Variants in BMPR2 observed in about 807,000 individuals in gnomAD.
BMPR2 encodes bone morphogenetic protein receptor type 2, also known as bone morphogenetic protein receptor type-2.
Under a neutral mutation model 100.8 loss-of-function variants are expected in BMPR2, and 29 were observed. That is an observed-to-expected ratio of 0.29 (90% CI 0.21 to 0.39). The LOEUF (loss-of-function observed/expected upper bound fraction) is 0.39, where lower values mean the gene tolerates loss of function less well. Ranked by LOEUF, BMPR2 falls within the 10% of genes least tolerant of loss-of-function variation. BMPR2 has a pLI of 1.00. For missense variants in BMPR2, 1,011 were observed against 1,274.5 expected (o/e 0.79, Z 3.15); for synonymous variants, 382 against 442.3 (o/e 0.86, Z 1.71).
chr2:202,482,280 TGTA>T (rs1035827703), intron 3 of BMPR2, among the ~76,000 whole-genome samples: 3 of 152,276 alleles, frequency 2.0e-5, no homozygotes, highest in Admixed American at 6.5e-5. Context: ...CTCCAATGAA[TGTA>T]GGTATACAAA....
chr2:202,505,030 G>T, intron 3 of BMPR2: 1 of 173,892 alleles, frequency 5.8e-6, no homozygotes, highest in South Asian at 1.1e-4. Flanking sequence ...GTGCTAGTTG[G>T]ATATCTTTTG....
At chr2:202,428,532 A>G (rs1691439313) in intron 1 of BMPR2, among the ~76,000 whole-genome samples, 1 of 151,976 alleles carries the variant, frequency 6.6e-6, no homozygotes, top group Non-Finnish European at 1.5e-5. Context: ...CAGAGTAGCT[A>G]GGACCACAGG....
At position 202,550,022 on chromosome 2, in the gene BMPR2, C is replaced by T. The variant is rs376850164; in HGVS notation, c.1414-2694C>T. On this transcript the variant is annotated intron_variant, in intron 10 of 12. Coordinates refer to ENST00000374580, the MANE Select transcript of BMPR2 (RefSeq NM_001204.7). Reference sequence around the variant, plus strand: ...CCAGGCTAAAGTGATCCTCCCACCTCAGCCTCCTGAGTAACTGGGACCACA... The same window carrying T: ...CCAGGCTAAAGTGATCCTCCCACCTTAGCCTCCTGAGTAACTGGGACCACA... 2.0e-4 allele frequency among the ~76,000 whole-genome samples: 31 copies of T among 152,254 alleles called. No individual in the cohort carries two copies. The East Asian group carries it at 4.6e-3, about 23-fold the overall frequency.
chr2:202,380,329 A>C (rs578218513), intron 1 of BMPR2, among the ~76,000 whole-genome samples: 2 of 152,340 alleles, frequency 1.3e-5, no homozygotes, highest in South Asian at 4.1e-4. Flanking sequence ...TCACTTGATT[A>C]GATTGCAATT....
chr2:202,509,111 A>G (rs1687579911), intron 3 of BMPR2, among the ~76,000 whole-genome samples: 1 of 152,192 alleles, frequency 6.6e-6, no homozygotes, highest in African/African-American at 2.4e-5. Flanking sequence ...TCTCTGTCCA[A>G]ATAAGTCTAA....
chr2:202,451,783 CT>C (rs1333963743), intron 1 of BMPR2, among the ~76,000 whole-genome samples: 5 of 152,010 alleles, frequency 3.3e-5, no homozygotes, highest in Non-Finnish European at 5.9e-5. Flanking sequence ...GAGTTTCACC[CT>C]TGTTGCCCAG....
rs1688736800 is a variant in BMPR2, at chr2:202,565,020, G to GC, written c.*5076dup. 1 of 152,186 alleles carries GC rather than the reference G, an allele frequency of 6.6e-6. No individual in the cohort carries two copies. The highest frequency in any genetic ancestry group is 2.1e-4 in the South Asian group (1 of 4,826). The allele number at this position is 152,186 out of a possible 1,614,324, so 9.4% of individuals were successfully genotyped here. A position where few individuals can be genotyped will look rare whatever the true frequency, so the allele number is the denominator to read the frequency against. On this transcript the variant is annotated 3_prime_UTR_variant, in exon 13 of 13. Coordinates refer to ENST00000374580, the MANE Select transcript of BMPR2 (RefSeq NM_001204.7). ...GCCGAGATCGCGCCAATGCACTCCA[G>GC]CCTGGGCTACAGAGTGAGACTCCAT...
intron 1 of BMPR2, among the ~76,000 whole-genome samples, chr2:202,430,203 A>G (rs1052900810): frequency 1.3e-4 from 20 of 152,162 alleles, no homozygotes; most frequent in African/African-American, 4.8e-4. Context: ...AACCTAAATT[A>G]GTACCTAAAA....
At chr2:202,546,084 T>C (rs1041904505) in intron 10 of BMPR2, among the ~76,000 whole-genome samples, 1 of 152,194 alleles carries the variant, frequency 6.6e-6, no homozygotes, top group African/African-American at 2.4e-5. Flanking sequence ...TGAAAACTTT[T>C]TACTTCCAGT....
intron 1 of BMPR2, among the ~76,000 whole-genome samples, chr2:202,449,421 T>A (rs966535123): frequency 6.6e-6 from 1 of 152,132 alleles, no homozygotes; most frequent in Admixed American, 6.5e-5. Flanking sequence ...TAGCTGGCAT[T>A]TAGGAATTTA....
chr2:202,519,704 A>G (rs1290477860), intron 6 of BMPR2, among the ~76,000 whole-genome samples: 1 of 152,254 alleles, frequency 6.6e-6, no homozygotes, highest in Admixed American at 6.5e-5. Flanking sequence ...GCACCAATAC[A>G]TAAATGAATA....
At chr2:202,382,408 C>T (rs1690323456) in intron 1 of BMPR2, among the ~76,000 whole-genome samples, 1 of 152,040 alleles carries the variant, frequency 6.6e-6, no homozygotes, top group South Asian at 2.1e-4. Flanking sequence ...CCAGGCTGGT[C>T]TCAAACTCCT....
chr2:202,378,654 A>G (rs572405495), intron 1 of BMPR2, among the ~76,000 whole-genome samples: 45 of 152,258 alleles, frequency 3.0e-4, no homozygotes, highest in African/African-American at 1.0e-3. Context: ...ACTGTTGATT[A>G]ATGTCTGTTA....
At chr2:202,475,275 C>G (rs995388885) in intron 3 of BMPR2, 2 of 152,052 alleles carry the variant, frequency 1.3e-5, no homozygotes, top group Non-Finnish European at 1.5e-5. Context: ...CTCAGGTGAT[C>G]CACCTGCCTC....
At chr2:202,391,960 C>A (rs565628917) in intron 1 of BMPR2, among the ~76,000 whole-genome samples, 6 of 152,082 alleles carry the variant, frequency 3.9e-5, no homozygotes, top group Admixed American at 3.9e-4. Context: ...TGAGGTTTCA[C>A]CATATTGCCC....
At position 202,474,264 on chromosome 2, in the gene BMPR2, G is replaced by A. The variant is rs545984010; in HGVS notation, c.418+6575G>A. Among the ~76,000 whole-genome samples, 8 of 152,072 alleles carry A rather than the reference G, an allele frequency of 5.3e-5. No homozygotes were observed. In the South Asian group the frequency reaches 8.3e-4, roughly 16 times the overall value. Reference sequence around the variant, plus strand: ...AGGTCAGGAGTTCGAGACCAGCCTGGCCTATATGACGAAACCCCATCTCTA... The same window carrying A: ...AGGTCAGGAGTTCGAGACCAGCCTGACCTATATGACGAAACCCCATCTCTA... On this transcript the variant is annotated intron_variant, in intron 3 of 12. Coordinates refer to ENST00000374580, the MANE Select transcript of BMPR2 (RefSeq NM_001204.7).
intron 1 of BMPR2, among the ~76,000 whole-genome samples, chr2:202,447,106 G>A (rs1317946959): frequency 1.4e-5 from 2 of 147,596 alleles, no homozygotes; most frequent in Non-Finnish European, 3.0e-5. Flanking sequence ...AAGAGTTTGA[G>A]ACCAGCCTGG....
Position 202,430,530 on chromosome 2 carries a change from C to T in BMPR2, c.77-34279C>T, listed in dbSNP as rs187293995. Among the ~76,000 whole-genome samples the T allele has an allele frequency of 3.9e-3, 592 of 152,262 alleles. 4 individuals are homozygous for T. Among genetic ancestry groups the T allele is most frequent in the African/African-American group, 0.014 (565 of 41,534 alleles). On this transcript the variant is annotated intron_variant, in intron 1 of 12. Transcript: ENST00000374580. Reference sequence around the variant, plus strand: ...ATGATGTATATTTAAGTAAGGTAGACGCCTAGAGTAGGTCTTCTGGACTGC... The same window carrying T: ...ATGATGTATATTTAAGTAAGGTAGATGCCTAGAGTAGGTCTTCTGGACTGC...
At chr2:202,449,044 G>A (rs1691918992) in intron 1 of BMPR2, among the ~76,000 whole-genome samples, 1 of 151,122 alleles carries the variant, frequency 6.6e-6, no homozygotes, top group Admixed American at 6.7e-5. Flanking sequence ...TGGGGTGGGG[G>A]TGGCAGCTCA....
Sources: gnomAD v4.1 joint callset for allele counts (sites outside exome capture counted in the v4.1 genomes callset) on GRCh38, gnomAD v4.1.1 for gene constraint, MANE v1.5 for transcripts, NCBI Gene and HGNC (gene_info 2026-07-23, HGNC 2026-07-21) for gene names.